ARHGAP6: variants seen among roughly 807,000 people sequenced by gnomAD.
ARHGAP6 encodes the protein rho GTPase-activating protein 6.
ARHGAP6 carries 16 observed loss-of-function variants against 55.7 expected under a neutral mutation model. That is an observed-to-expected ratio of 0.29 (90% CI 0.19 to 0.44). The LOEUF is 0.44. Ranked by LOEUF, ARHGAP6 falls within the 20% of genes least tolerant of loss-of-function variation. The probability of loss-of-function intolerance (pLI) is 1.00; values close to 1 mark genes in which losing one functional copy is unlikely to be tolerated. For synonymous variants in ARHGAP6, 382 were observed against 360.9 expected (o/e 1.06, Z -0.66); for missense variants, 698 against 808.9 (o/e 0.86, Z 1.66).
At chrX:11,149,383 A>C (rs968059661) in intron 10 of ARHGAP6, among the ~76,000 whole-genome samples, 1 of 110,730 alleles carries the variant, frequency 9.0e-6, no homozygotes, top group Non-Finnish European at 1.9e-5. Flanking sequence ...AGAATTTTTC[A>C]TTATGGAATT....
intron 1 of ARHGAP6, among the ~76,000 whole-genome samples, chrX:11,604,506 A>G (rs1601690918): frequency 9.0e-6 from 1 of 111,547 alleles, no homozygotes; most frequent in Non-Finnish European, 1.9e-5. Flanking sequence ...AGAAATTCCC[A>G]GTGTCCCCAT....
chrX:11,557,355 A>C (rs2051330810), intron 1 of ARHGAP6, among the ~76,000 whole-genome samples: 1 of 111,813 alleles, frequency 8.9e-6, no homozygotes, highest in South Asian at 3.7e-4. Context: ...GAAATAAAAT[A>C]CTAAGAGTTT....
chrX:11,537,347 T>C (rs1335330839), intron 1 of ARHGAP6, among the ~76,000 whole-genome samples: 2 of 111,913 alleles, frequency 1.8e-5, no homozygotes, highest in African/African-American at 6.5e-5. Context: ...CCAAGGTTGT[T>C]GTGAACATTC....
chrX:11,599,420 T>C (rs888900520), intron 1 of ARHGAP6, among the ~76,000 whole-genome samples: 1 of 109,327 alleles, frequency 9.1e-6, no homozygotes, highest in Non-Finnish European at 1.9e-5. Flanking sequence ...GTTAGTTTTA[T>C]AGCCATCACT....
intron 3 of ARHGAP6, 64 bp downstream of exon 3, chrX:11,196,861 C>T: frequency 1.6e-6 from 1 of 626,984 alleles, no homozygotes; most frequent in Non-Finnish European, 2.7e-6. Flanking sequence ...ATTCAATAAC[C>T]CCACCAAATT....
At chrX:11,349,916 G>A (rs1439322920) in intron 1 of ARHGAP6, among the ~76,000 whole-genome samples, 1 of 112,227 alleles carries the variant, frequency 8.9e-6, no homozygotes, top group Non-Finnish European at 1.9e-5. Context: ...CTGCCTCTTA[G>A]TACCTGTTGA....
Position 11,215,579 on chromosome X carries a change from C to G in ARHGAP6, c.749-18583G>C, listed in dbSNP as rs765581321. Among the ~76,000 whole-genome samples the G allele has an allele frequency of 1.3e-4, 15 of 113,082 alleles. No homozygotes were observed. The South Asian group carries it at 5.1e-3, about 38-fold the overall frequency. ...TCCTTTCACACACCCTGTTTCCTTA[C>G]TGTATCTTTGCACTCACAAGGTTCA... On this transcript the variant is annotated intron_variant, in intron 2 of 12. Transcript: ENST00000337414.
intron 1 of ARHGAP6, among the ~76,000 whole-genome samples, chrX:11,616,725 G>A (rs2052170013): frequency 8.9e-6 from 1 of 111,963 alleles, no homozygotes; most frequent in Admixed American, 9.5e-5. Flanking sequence ...GTAGTTCTCA[G>A]CTAGGCACAA....
At chrX:11,416,667 T>C (rs924934511) in intron 1 of ARHGAP6, among the ~76,000 whole-genome samples, 26 of 111,037 alleles carry the variant, frequency 2.3e-4, no homozygotes, top group Non-Finnish European at 1.7e-4. Flanking sequence ...TAAAAATGCA[T>C]GTGTGCCATG....
intron 1 of ARHGAP6, among the ~76,000 whole-genome samples, chrX:11,609,626 C>T (rs1329483378): frequency 1.8e-5 from 2 of 111,872 alleles, no homozygotes; most frequent in Non-Finnish European, 3.8e-5. Flanking sequence ...CAGTGGCAAC[C>T]TATCAGCATA....
chrX:11,580,055 C>T (rs981984807), intron 1 of ARHGAP6, among the ~76,000 whole-genome samples: 5 of 111,432 alleles, frequency 4.5e-5, no homozygotes, highest in South Asian at 7.6e-4. Flanking sequence ...TTAACTGCTG[C>T]CATGACTCAT....
chrX:11,569,503 C>G (rs1046053915), intron 1 of ARHGAP6, among the ~76,000 whole-genome samples: 4 of 111,482 alleles, frequency 3.6e-5, no homozygotes, highest in African/African-American at 9.8e-5. Flanking sequence ...TAGCTTATGT[C>G]TTAATAATGT....
At chrX:11,376,301 G>T (rs1434404610) in intron 1 of ARHGAP6, among the ~76,000 whole-genome samples, 2 of 112,771 alleles carry the variant, frequency 1.8e-5, no homozygotes, top group Non-Finnish European at 3.8e-5. Context: ...TTGAGAAGGA[G>T]AAATTATCCT....
chrX:11,434,100 G>A (rs1343824556), intron 1 of ARHGAP6, among the ~76,000 whole-genome samples: 1 of 111,929 alleles, frequency 8.9e-6, no homozygotes, highest in African/African-American at 3.3e-5. Flanking sequence ...GGGGAAGGGT[G>A]TCACTTGCAT....
rs542617399 is a variant in ARHGAP6, at chrX:11,656,313, C to G, written c.588+7928G>C. Among the ~76,000 whole-genome samples, 4 of 112,270 alleles carry G rather than the reference C, an allele frequency of 3.6e-5. No individual in the cohort carries two copies. The South Asian group carries it at 1.1e-3, about 31-fold the overall frequency. ...GCCCTTTCTTTTTGTTTGGCAAATGCCTCCTCATCCAATGATTTCAGCTGA... is the reference window on the plus strand; with the variant it reads ...GCCCTTTCTTTTTGTTTGGCAAATGGCTCCTCATCCAATGATTTCAGCTGA... On this transcript the variant is annotated intron_variant, in intron 1 of 12. Transcript: ENST00000337414.
chrX:11,195,740 C>T (rs1447939207), intron 3 of ARHGAP6, among the ~76,000 whole-genome samples: 1 of 108,689 alleles, frequency 9.2e-6, no homozygotes, highest in African/African-American at 3.4e-5. Context: ...ATGAAATAAT[C>T]TGTACAACAA....
At chrX:11,472,962 C>T (rs766806015) in intron 1 of ARHGAP6, among the ~76,000 whole-genome samples, 100 of 110,985 alleles carry the variant, frequency 9.0e-4, no homozygotes, top group African/African-American at 3.2e-3. Context: ...TGGCCCCACT[C>T]TGTACCCTCA....
chrX:11,487,078 T>C (rs2050518716), intron 1 of ARHGAP6, among the ~76,000 whole-genome samples: 1 of 112,148 alleles, frequency 8.9e-6, no homozygotes, highest in African/African-American at 3.2e-5. Flanking sequence ...GAAATGTTCA[T>C]GTGGTACTAG....
intron 1 of ARHGAP6, among the ~76,000 whole-genome samples, chrX:11,460,548 T>C (rs2050234646): frequency 8.9e-6 from 1 of 111,766 alleles, no homozygotes; most frequent in African/African-American, 3.3e-5. Flanking sequence ...TGGTACTCTC[T>C]TATGCAGCCA....
Sources: allele counts gnomAD v4.1 joint callset (sites outside exome capture counted in the v4.1 genomes callset), GRCh38; gene constraint gnomAD v4.1.1; transcripts MANE v1.5; gene names NCBI Gene and HGNC (gene_info 2026-07-23, HGNC 2026-07-21).